The following THRB variants were observed in gnomAD, a reference collection of about 807,000 sequenced individuals.
The protein encoded by THRB is thyroid hormone receptor beta, also known as nuclear receptor subfamily 1 group A member 2.
THRB carries 12 observed loss-of-function variants against 47.8 expected under a neutral mutation model. The observed-to-expected ratio is 0.25, with a 90% CI of 0.16 to 0.41. The LOEUF (loss-of-function observed/expected upper bound fraction) is 0.41. Among genes scored for constraint, THRB ranks in the 10% least tolerant of loss-of-function variants. THRB has a pLI of 1.00. For missense variants in THRB, 348 were observed against 589.2 expected, an observed-to-expected ratio of 0.59 and a Z score of 4.24; for synonymous variants, 218 against 212.2, an observed-to-expected ratio of 1.03 and a Z score of -0.24.
chr3:24,362,382 C>T (rs963028182), intron 1 of THRB, among the ~76,000 whole-genome samples: 2 of 152,192 alleles, frequency 1.3e-5, no homozygotes, highest in African/African-American at 4.8e-5. Flanking sequence ...CTGCCCCCTT[C>T]ATAAGAGATG....
intron 1 of THRB, among the ~76,000 whole-genome samples, chr3:24,455,623 A>G (rs1231724415): frequency 3.9e-5 from 6 of 152,196 alleles, no homozygotes; most frequent in Non-Finnish European, 8.8e-5. Context: ...TGACCTCAAA[A>G]ATATTTTTTA....
intron 4 of THRB, among the ~76,000 whole-genome samples, chr3:24,195,259 A>G (rs2043822758): frequency 6.6e-6 from 1 of 152,220 alleles, no homozygotes; most frequent in Non-Finnish European, 1.5e-5. Flanking sequence ...CTTCACAAAC[A>G]TCCAGGGAAT....
At chr3:24,276,748 G>T (rs1367465053) in intron 3 of THRB, among the ~76,000 whole-genome samples, 1 of 152,262 alleles carries the variant, frequency 6.6e-6, no homozygotes, top group South Asian at 2.1e-4. Flanking sequence ...CGTGGAGTAA[G>T]TGTGCAGAAA....
chr3:24,189,922 T>C (rs771295537), intron 5 of THRB, 152 bp downstream of exon 5: 169 of 723,332 alleles, frequency 2.3e-4, no homozygotes, highest in Non-Finnish European at 3.3e-4. Context: ...AAAAGAATAT[T>C]TGAAGAAAAG....
intron 3 of THRB, among the ~76,000 whole-genome samples, chr3:24,285,194 A>G (rs990334435): frequency 2.7e-5 from 4 of 149,434 alleles, no homozygotes; most frequent in Non-Finnish European, 5.9e-5. Context: ...AATGTCCAAC[A>G]ATGATAGACT....
intron 1 of THRB, among the ~76,000 whole-genome samples, chr3:24,479,439 C>CA (rs1258129659): frequency 6.6e-6 from 1 of 152,190 alleles, no homozygotes; most frequent in Non-Finnish European, 1.5e-5. Flanking sequence ...TCCAGGGGAA[C>CA]ACGGGGGCAT....
At chr3:24,379,625 G>C (rs965493512) in intron 1 of THRB, among the ~76,000 whole-genome samples, 9 of 111,728 alleles carry the variant, frequency 8.1e-5, no homozygotes, top group African/African-American at 4.0e-4. Flanking sequence ...ATTGAGAAAG[G>C]TGACTCGGCA....
At chr3:24,435,368 A>G (rs1315798176) in intron 1 of THRB, among the ~76,000 whole-genome samples, 2 of 152,192 alleles carry the variant, frequency 1.3e-5, no homozygotes, top group Non-Finnish European at 2.9e-5. Flanking sequence ...GGAGATTAAA[A>G]AGGATGATGT....
At chr3:24,223,395 A>G (rs1233108126) in intron 4 of THRB, among the ~76,000 whole-genome samples, 4 of 152,244 alleles carry the variant, frequency 2.6e-5, no homozygotes, top group African/African-American at 9.6e-5. Context: ...AGTACTCATC[A>G]GAAGATATTA....
At chr3:24,229,243 G>A (rs1965854) in intron 3 of THRB, among the ~76,000 whole-genome samples, 33 of 151,806 alleles carry the variant, frequency 2.2e-4, no homozygotes, top group Non-Finnish European at 2.5e-4. Context: ...TTTATCAAGC[G>A]CACATTTTTC....
chr3:24,288,352 A>G (rs1321299516), intron 3 of THRB, among the ~76,000 whole-genome samples: 2 of 152,204 alleles, frequency 1.3e-5, no homozygotes, highest in African/African-American at 4.8e-5. Flanking sequence ...AACTATTTAC[A>G]CATTCCATAC....
intron 9 of THRB, among the ~76,000 whole-genome samples, chr3:24,129,593 A>C (rs1332470989): frequency 2.6e-5 from 4 of 152,266 alleles, no homozygotes; most frequent in Admixed American, 2.6e-4. Context: ...ACTAGGCCAG[A>C]TGCCTTTTCC....
rs146508413 is a variant in THRB at position 24,126,414 on chromosome 3, C to T, written c.1144+1085G>A. On this transcript the variant is annotated intron_variant, in intron 10 of 10. Coordinates refer to ENST00000646209, the MANE Select transcript of THRB (RefSeq NM_001354712.2). ...AAAAAAAAATTTCCTACTGAGTTAA[C>T]CAGGAAGCAGCAACTCTACAAAGAA... Among the ~76,000 whole-genome samples the T allele has an allele frequency of 8.5e-5, 13 of 152,228 alleles. 1 individual carries two copies. The East Asian group carries it at 2.5e-3, about 29-fold the overall frequency.
chr3:24,443,775 T>G (rs1439377892), intron 1 of THRB, among the ~76,000 whole-genome samples: 1 of 152,228 alleles, frequency 6.6e-6, no homozygotes, highest in Non-Finnish European at 1.5e-5. Flanking sequence ...AAATAATTCT[T>G]ACTGGATACT....
chr3:24,495,211 G>T, upstream of THRB: 1 of 152,926 alleles, frequency 6.5e-6, no homozygotes, highest in South Asian at 2.0e-4. Flanking sequence ...ACGGCTGTCC[G>T]ACTTGCGCGG....
intron 1 of THRB, 185 bp downstream of exon 1, chr3:24,494,465 CGG>C (rs1004184107): frequency 6.6e-6 from 1 of 151,682 alleles, no homozygotes; most frequent in Admixed American, 6.6e-5. Flanking sequence ...CTCCCAGATC[CGG>C]GGCGCAGAAG....
intron 1 of THRB, among the ~76,000 whole-genome samples, chr3:24,471,912 C>T (rs1466640998): frequency 5.9e-5 from 9 of 152,142 alleles, no homozygotes; most frequent in Non-Finnish European, 4.4e-5. Context: ...CCCTTTGTTC[C>T]TCCCTTTGCC....
At chr3:24,261,161 T>C (rs2051937639) in intron 3 of THRB, among the ~76,000 whole-genome samples, 1 of 151,728 alleles carries the variant, frequency 6.6e-6, no homozygotes, top group South Asian at 2.1e-4. Flanking sequence ...CCTTCTTTAC[T>C]TGGCCATCCT....
Position 24,190,219 on chromosome 3 carries a change from G to A in THRB, c.138C>T (p.Arg46=). Residue 46 remains arginine (R), a synonymous_variant, in exon 5 of 11, where the codon CGC becomes CGT. Coordinates refer to ENST00000646209, the MANE Select transcript of THRB (RefSeq NM_001354712.2). The stretch of plus-strand genomic sequence containing the variant: ...ACGACTGTTCATTTTTCAACGTGCT[G>A]CGCCTCTCTGAATGGCTCTTCCTAT... ...CLHRKSHSER[R]STLKNEQSSP... 3.7e-6 allele frequency: 6 copies of A among 1,614,112 alleles called. No homozygotes were observed. Among genetic ancestry groups the A allele is most frequent in the Non-Finnish European group, 5.1e-6 (6 of 1,179,994 alleles).
Sources: gnomAD v4.1 joint callset for allele counts (sites outside exome capture counted in the v4.1 genomes callset) on GRCh38, gnomAD v4.1.1 for gene constraint, MANE v1.5 for transcripts, NCBI Gene and HGNC (gene_info 2026-07-23, HGNC 2026-07-21) for gene names.